UROS: variants seen among roughly 807,000 people sequenced by gnomAD.
The protein encoded by UROS is uroporphyrinogen III synthase, also known as uroporphyrinogen-III synthase.
In UROS, 18 loss-of-function variants were observed where a neutral mutation model predicts 33.0. That is an observed-to-expected ratio of 0.55 (90% CI 0.38 to 0.81). The LOEUF (loss-of-function observed/expected upper bound fraction) is 0.81, where lower values mean the gene tolerates loss of function less well. UROS is among the 30% of genes least tolerant of loss of function. The pLI is 0.00. For synonymous variants in UROS, 114 were observed against 121.1 expected (o/e 0.94, Z 0.38); for missense variants, 293 against 314.9 (o/e 0.93, Z 0.53).
intron 5 of UROS, among the ~76,000 whole-genome samples, chr10:125,810,947 T>C (rs1852757923): frequency 6.6e-6 from 1 of 152,254 alleles, no homozygotes; most frequent in South Asian, 2.1e-4. Flanking sequence ...ACATGTCCTT[T>C]TCCTTCACAA....
chr10:125,817,725 G>A (rs1853468752), intron 1 of UROS, among the ~76,000 whole-genome samples: 1 of 152,158 alleles, frequency 6.6e-6, no homozygotes, highest in South Asian at 2.1e-4. Context: ...GAGGTGTACA[G>A]AGGATGACAC....
intron 1 of UROS, among the ~76,000 whole-genome samples, chr10:125,820,888 C>T (rs1212556980): frequency 3.3e-5 from 5 of 152,212 alleles, no homozygotes; most frequent in Non-Finnish European, 7.3e-5. Context: ...AAGCAATCTA[C>T]TACCTGCTGA....
intron 9 of UROS, 94 bp downstream of exon 9, chr10:125,794,786 G>T: frequency 1.6e-6 from 2 of 1,225,818 alleles, no homozygotes; most frequent in Non-Finnish European, 2.3e-6. Context: ...GGCCAGGGGT[G>T]TCTCACTTGA....
At chr10:125,806,102 T>C (rs1282105896) in intron 6 of UROS, among the ~76,000 whole-genome samples, 2 of 151,930 alleles carry the variant, frequency 1.3e-5, no homozygotes, top group Non-Finnish European at 2.9e-5. Context: ...CAAAGAAAAA[T>C]ATAAGCTAGA....
chr10:125,796,888 A>C (rs1851415726), intron 7 of UROS: 3 of 984,368 alleles, frequency 3.0e-6, no homozygotes, highest in Non-Finnish European at 3.6e-6. Context: ...AAACTCTCTC[A>C]GAAGAAATGA....
chr10:125,799,226 A>G (rs917376003), intron 6 of UROS, among the ~76,000 whole-genome samples: 1 of 152,230 alleles, frequency 6.6e-6, no homozygotes. Flanking sequence ...TGCTCTGTAA[A>G]TATCTGTACC....
chr10:125,805,707 C>T (rs952379841), intron 6 of UROS, among the ~76,000 whole-genome samples: 6 of 151,968 alleles, frequency 3.9e-5, no homozygotes, highest in African/African-American at 1.5e-4. Flanking sequence ...CTGTACTGGC[C>T]AGCACAGCTT....
intron 7 of UROS, among the ~76,000 whole-genome samples, chr10:125,797,084 C>T (rs938644948): frequency 3.3e-5 from 5 of 152,164 alleles, no homozygotes; most frequent in African/African-American, 1.2e-4. Flanking sequence ...GATCTTATTA[C>T]CTAATGTCCT....
chr10:125,787,558 C>T (rs2133793908), downstream of UROS, among the ~76,000 whole-genome samples: 1 of 152,282 alleles, frequency 6.6e-6, no homozygotes, highest in South Asian at 2.1e-4. Flanking sequence ...TCAGGGGACT[C>T]TCTGGGGGTG....
intron 5 of UROS, among the ~76,000 whole-genome samples, chr10:125,808,548 T>C (rs1401737095): frequency 6.6e-6 from 1 of 152,172 alleles, no homozygotes; most frequent in Admixed American, 6.5e-5. Context: ...AACTGAGACA[T>C]AAGAACTTAG....
chr10:125,788,498 G>C (rs985051044), downstream of UROS: 2 of 1,104,312 alleles, frequency 1.8e-6, no homozygotes, highest in Non-Finnish European at 2.2e-6. Context: ...TAGCAGGTTT[G>C]TGGGTTATCA....
chr10:125,798,720 G>C (rs1001860437), intron 6 of UROS, among the ~76,000 whole-genome samples: 4 of 152,254 alleles, frequency 2.6e-5, no homozygotes, highest in African/African-American at 9.6e-5. Context: ...ACAGGCCTTA[G>C]AGAGAGAAGC....
rs776659062 is a variant in UROS at position 125,816,494 on chromosome 10, C to T, written c.6G>A (p.Lys2=). 15 of 1,614,158 alleles carry T rather than the reference C, an allele frequency of 9.3e-6. No individual in the cohort carries two copies. The East Asian group carries it at 1.8e-4, about 19-fold the overall frequency. The change falls in exon 2 of 10, where the codon AAG becomes AAA. Residue 2 remains lysine (K), a synonymous_variant. Coordinates refer to ENST00000368797, the MANE Select transcript of UROS (RefSeq NM_000375.3). Reference sequence around the variant, plus strand: ...CCTTCGCATCCTTCAGTAAAAGAACCTTCATTATTGCCTGGCAGTCCTTAT... The same window carrying T: ...CCTTCGCATCCTTCAGTAAAAGAACTTTCATTATTGCCTGGCAGTCCTTAT... M[K]VLLLKDAKED...
rs1054005397 is a variant in UROS at position 125,807,278 on chromosome 10, G to A, written c.394+135C>T. ...CAAATACAAATAGGCTATGCTCCCA[G>A]AGTGGGTTATACGATGCTCACCAAT... On this transcript the variant is annotated intron_variant, in intron 6 of 9. Coordinates refer to ENST00000368797, the MANE Select transcript of UROS (RefSeq NM_000375.3). 6 of 777,162 alleles carry A rather than the reference G, an allele frequency of 7.7e-6. No individual in the cohort carries two copies. In the African/African-American group the frequency reaches 1.0e-4, roughly 13 times the overall value. The allele number at this position is 777,162 out of a possible 1,614,324, so 48.1% of individuals were successfully genotyped here.
chr10:125,796,233 A>G, intron 7 of UROS, 45 bp from the exon 8 acceptor site: 1 of 1,571,634 alleles, frequency 6.4e-7, no homozygotes, highest in Non-Finnish European at 8.8e-7. Flanking sequence ...CACTGGGCAC[A>G]CAATGGGGCC....
At chr10:125,809,114 G>A (rs1195089525) in intron 5 of UROS, among the ~76,000 whole-genome samples, 1 of 152,206 alleles carries the variant, frequency 6.6e-6, no homozygotes, top group Non-Finnish European at 1.5e-5. Flanking sequence ...GCTAATTTTT[G>A]TTATTTCTGG....
chr10:125,801,668 A>G (rs547125593), intron 6 of UROS, among the ~76,000 whole-genome samples: 1 of 152,374 alleles, frequency 6.6e-6, no homozygotes, highest in Non-Finnish European at 1.5e-5. Context: ...ATTAGGACCC[A>G]TAGATATGCT....
At chr10:125,800,883 T>C (rs910650659) in intron 6 of UROS, among the ~76,000 whole-genome samples, 4 of 152,192 alleles carry the variant, frequency 2.6e-5, no homozygotes, top group African/African-American at 9.7e-5. Flanking sequence ...GGCTTTCCTT[T>C]CACTTAATAA....
chr10:125,814,014 C>T (rs189493360), intron 4 of UROS, among the ~76,000 whole-genome samples: 27 of 152,326 alleles, frequency 1.8e-4, no homozygotes, highest in Non-Finnish European at 3.4e-4. Context: ...TTGTGCTTTA[C>T]ACATTGTGGG....
Sources: gnomAD v4.1 joint callset for allele counts (sites outside exome capture counted in the v4.1 genomes callset) on GRCh38, gnomAD v4.1.1 for gene constraint, MANE v1.5 for transcripts, NCBI Gene and HGNC (gene_info 2026-07-23, HGNC 2026-07-21) for gene names.